Variants in GRIP1 observed in about 807,000 individuals in gnomAD.
GRIP1 encodes glutamate receptor-interacting protein 1.
A neutral mutation model predicts 129.9 loss-of-function variants in GRIP1; 45 were observed. That is an observed-to-expected ratio of 0.35 (90% confidence interval 0.27 to 0.44). The LOEUF (loss-of-function observed/expected upper bound fraction) is 0.44. Ranked by LOEUF, GRIP1 falls within the 20% of genes least tolerant of loss-of-function variation. The pLI, the probability that GRIP1 is intolerant of heterozygous loss-of-function variation, is 1.00. For missense variants in GRIP1, 1,196 were observed against 1,396.8 expected (o/e 0.86, Z 2.29); for synonymous variants, 530 against 520.8 (o/e 1.02, Z -0.24).
intron 1 of GRIP1, among the ~76,000 whole-genome samples, chr12:66,761,103 C>T (rs920658826): frequency 6.6e-6 from 1 of 152,030 alleles, no homozygotes; most frequent in African/African-American, 2.4e-5. Flanking sequence ...CAGACATTTA[C>T]TTCTATCCCA....
At chr12:66,360,269 A>G (rs59524114) in intron 23 of GRIP1, among the ~76,000 whole-genome samples, 26 of 152,142 alleles carry the variant, frequency 1.7e-4, no homozygotes, top group African/African-American at 5.8e-4. Flanking sequence ...TGAATAATTA[A>G]TCATGCCCAC....
At chr12:66,616,432 T>C (rs2065040601) in intron 1 of GRIP1, among the ~76,000 whole-genome samples, 1 of 152,182 alleles carries the variant, frequency 6.6e-6, no homozygotes, top group African/African-American at 2.4e-5. Context: ...CAGGAACACA[T>C]ATTATACAAT....
chr12:66,963,481 T>A (rs1409064151), intron 1 of GRIP1, among the ~76,000 whole-genome samples: 1 of 151,958 alleles, frequency 6.6e-6, no homozygotes, highest in Admixed American at 6.6e-5. Flanking sequence ...ATCTTAGAGA[T>A]GAAGAAAAAG....
intron 9 of GRIP1, among the ~76,000 whole-genome samples, chr12:66,457,653 A>T (rs1022313758): frequency 5.9e-5 from 9 of 152,214 alleles, no homozygotes; most frequent in Non-Finnish European, 1.2e-4. Context: ...CTATGCATTG[A>T]AAGGACAGTC....
intron 7 of GRIP1, among the ~76,000 whole-genome samples, chr12:66,472,593 C>T (rs1054135985): frequency 2.6e-5 from 4 of 152,104 alleles, no homozygotes; most frequent in South Asian, 2.1e-4. Flanking sequence ...ACACAGAAGG[C>T]GGGTGATTTC....
intron 1 of GRIP1, among the ~76,000 whole-genome samples, chr12:67,047,113 C>T (rs2043265472): frequency 6.6e-6 from 1 of 152,090 alleles, no homozygotes; most frequent in Admixed American, 6.6e-5. Context: ...CAGTTTTAAA[C>T]ATATCAGTAA....
At chr12:66,702,754 T>C (rs887403584) in intron 1 of GRIP1, among the ~76,000 whole-genome samples, 2 of 152,164 alleles carry the variant, frequency 1.3e-5, no homozygotes, top group Non-Finnish European at 2.9e-5. Flanking sequence ...TACAAGTTAA[T>C]GAATCATTCT....
At chr12:66,580,324 C>A (rs1038593630) in intron 2 of GRIP1, among the ~76,000 whole-genome samples, 15 of 150,646 alleles carry the variant, frequency 1.0e-4, no homozygotes, top group Non-Finnish European at 1.6e-4. Flanking sequence ...TAAAGACCAT[C>A]GAGACTAGGA....
Position 66,381,072 on chromosome 12 carries a change from C to T in GRIP1, c.2465-1636G>A, listed in dbSNP as rs562069579. ...GCCATTTTTGCTACTAGTTTAAAGC[C>T]CAAGCAGAGCAGGATATCTGAAGGA... On this transcript the variant is annotated intron_variant, in intron 19 of 24. Transcript: ENST00000359742. Among the ~76,000 whole-genome samples, 62 of 152,106 alleles carry T rather than the reference C, an allele frequency of 4.1e-4. 1 individual carries two copies. Among genetic ancestry groups the T allele is most frequent in the African/African-American group, 1.4e-3 (57 of 41,468 alleles).
intron 1 of GRIP1, among the ~76,000 whole-genome samples, chr12:66,915,385 G>C (rs560820393): frequency 5.9e-5 from 9 of 152,322 alleles, no homozygotes; most frequent in African/African-American, 1.7e-4. Flanking sequence ...AAGACTGTAG[G>C]CTTCCCAGAC....
In GRIP1 at chr12:66,717,822, G is replaced by T. The variant is rs181597401; in HGVS notation, c.-420+86231C>A. Among the ~76,000 whole-genome samples the T allele has an allele frequency of 1.5e-3, 233 of 152,208 alleles. 3 individuals carry two copies. The highest frequency in any genetic ancestry group is 2.2e-4 in the Non-Finnish European group (15 of 68,006). On this transcript the variant is annotated intron_variant, in intron 1 of 4. Coordinates refer to the GRIP1 transcript ENST00000538373. ...TAAAAAAATTGATTTAAATCTTACT[G>T]GTGTTCTAGAGGAAGTCTCTCATTT...
chr12:66,413,859 C>G (rs2057487762), intron 15 of GRIP1, among the ~76,000 whole-genome samples: 2 of 152,160 alleles, frequency 1.3e-5, no homozygotes, highest in Non-Finnish European at 2.9e-5. Context: ...ACATAATTAC[C>G]TCAATAGATG....
At chr12:66,612,308 A>G (rs4477518) in intron 1 of GRIP1, among the ~76,000 whole-genome samples, 90,953 of 152,024 alleles carry the variant, frequency 0.6, 28,415 homozygotes, top group African/African-American at 0.73. Flanking sequence ...CTATAAACCT[A>G]TACAGCATGT....
intron 1 of GRIP1, among the ~76,000 whole-genome samples, chr12:67,007,139 G>A (rs2042638381): frequency 6.6e-6 from 1 of 152,190 alleles, no homozygotes; most frequent in Admixed American, 6.5e-5. Context: ...GGAGAGCACA[G>A]TGGTGATGGG....
chr12:66,756,652 A>C (rs766014358), intron 1 of GRIP1, among the ~76,000 whole-genome samples: 3 of 152,192 alleles, frequency 2.0e-5, no homozygotes, highest in Non-Finnish European at 4.4e-5. Context: ...TAGAAGAGGC[A>C]GTTAACTAGC....
intron 1 of GRIP1, among the ~76,000 whole-genome samples, chr12:67,044,135 A>C (rs1309826160): frequency 6.6e-6 from 1 of 152,210 alleles, no homozygotes; most frequent in African/African-American, 2.4e-5. Context: ...AAAAGCTAAT[A>C]ATGCTTCCCA....
chr12:66,649,244 C>T (rs547667281), intron 1 of GRIP1, among the ~76,000 whole-genome samples: 51 of 152,258 alleles, frequency 3.3e-4, no homozygotes, highest in Admixed American at 3.9e-4. Context: ...CCTATAAAAT[C>T]CTCAGGGTGC....
chr12:66,651,436 T>C (rs1653687463), intron 1 of GRIP1, among the ~76,000 whole-genome samples: 1 of 152,238 alleles, frequency 6.6e-6, no homozygotes, highest in African/African-American at 2.4e-5. Context: ...GGGACTGCTT[T>C]TCTCCCGATG....
chr12:66,879,812 T>C (rs1441312533), intron 1 of GRIP1, among the ~76,000 whole-genome samples: 1 of 152,048 alleles, frequency 6.6e-6, no homozygotes, highest in African/African-American at 2.4e-5. Context: ...TAAGAGTAGA[T>C]AAGGCAGAGC....
Sources: allele counts gnomAD v4.1 joint callset (sites outside exome capture counted in the v4.1 genomes callset), GRCh38; gene constraint gnomAD v4.1.1; transcripts MANE v1.5; gene names NCBI Gene and HGNC (gene_info 2026-07-23, HGNC 2026-07-21).